Variants in SORBS2 observed in about 807,000 individuals in gnomAD.
SORBS2 encodes sorbin and SH3 domain containing 2, also known as sorbin and SH3 domain-containing protein 2.
In SORBS2, 46 loss-of-function variants were observed where a neutral mutation model predicts 97.7. The ratio of observed to expected loss-of-function variants is 0.47; its 90% CI spans 0.37 to 0.60. SORBS2 has a LOEUF of 0.60. SORBS2 is among the 20% of genes least tolerant of loss of function. SORBS2 has a pLI of 0.00. For missense variants in SORBS2, 1,316 were observed against 1,282.3 expected (o/e 1.03, Z -0.40); for synonymous variants, 476 against 473.4 (o/e 1.01, Z -0.07).
chr4:185,660,166 T>C (rs2097492634), upstream of SORBS2, among the ~76,000 whole-genome samples: 1 of 152,198 alleles, frequency 6.6e-6, no homozygotes, highest in Admixed American at 6.5e-5. Flanking sequence ...TATCAATATA[T>C]TCTAAAATCA....
chr4:185,732,128 G>A (rs2098645514), intron 2 of SORBS2, among the ~76,000 whole-genome samples: 2 of 151,890 alleles, frequency 1.3e-5, no homozygotes, highest in Admixed American at 1.3e-4. Context: ...TAATGCATCA[G>A]TAGAAGATGG....
chr4:185,677,612 C>G (rs1284405031), intron 4 of SORBS2: 2 of 1,522,144 alleles, frequency 1.3e-6, no homozygotes, highest in East Asian at 2.5e-5. Flanking sequence ...TATGAAAGCT[C>G]TCTTTTCTTT....
At position 185,732,068 on chromosome 4, in the gene SORBS2, A is replaced by G. The variant is rs75405283; in HGVS notation, c.-198+43159T>C. 5.8e-3 allele frequency among the ~76,000 whole-genome samples: 883 copies of G among 151,966 alleles called. 9 individuals carry two copies. Among genetic ancestry groups the G allele is most frequent in the African/African-American group, 0.02 (834 of 41,438 alleles). On this transcript the variant is annotated intron_variant, in intron 2 of 20. Coordinates refer to the SORBS2 transcript ENST00000284776. Reference sequence around the variant, plus strand: ...ACCTCCTTTTTTGCAAAATATGCACATGTGAAACCTGATTTACTACTGAGG... The same window carrying G: ...ACCTCCTTTTTTGCAAAATATGCACGTGTGAAACCTGATTTACTACTGAGG...
chr4:185,806,438 T>G (rs2099154528), intron 1 of SORBS2, among the ~76,000 whole-genome samples: 1 of 572 alleles, frequency 1.7e-3, no homozygotes, highest in Non-Finnish European at 0.036. Flanking sequence ...AGAATCCTAT[T>G]TTTTTTTTTT....
At chr4:185,905,918 T>C (rs1272017777) in intron 1 of SORBS2, among the ~76,000 whole-genome samples, 1 of 152,230 alleles carries the variant, frequency 6.6e-6, no homozygotes, top group African/African-American at 2.4e-5. Context: ...CAATCTCCTC[T>C]GGGCCCAGCA....
chr4:185,730,889 G>GCAGAT (rs1203240090), intron 2 of SORBS2, among the ~76,000 whole-genome samples: 12 of 152,346 alleles, frequency 7.9e-5, no homozygotes, highest in Non-Finnish European at 1.5e-4. Flanking sequence ...TGACGTAGCT[G>GCAGAT]CAGATCAGGC....
At chr4:185,799,109 C>A (rs1186137777) in intron 1 of SORBS2, among the ~76,000 whole-genome samples, 2 of 152,150 alleles carry the variant, frequency 1.3e-5, no homozygotes, top group Non-Finnish European at 2.9e-5. Flanking sequence ...GGGAAGGAGA[C>A]TTAGCCTCAT....
chr4:185,643,520 G>C (rs562527080), intron 4 of SORBS2, among the ~76,000 whole-genome samples: 2 of 152,140 alleles, frequency 1.3e-5, no homozygotes, highest in Non-Finnish European at 2.9e-5. Context: ...GATTGCCTTC[G>C]CTGTGGTGTG....
chr4:185,847,207 C>CT (rs1405322911), intron 1 of SORBS2, among the ~76,000 whole-genome samples: 1 of 152,164 alleles, frequency 6.6e-6, no homozygotes, highest in Non-Finnish European at 1.5e-5. Flanking sequence ...CTTTTTACCA[C>CT]TTTGTGTTTG....
chr4:185,597,040 A>G (rs1392033778), intron 12 of SORBS2, among the ~76,000 whole-genome samples: 1 of 152,234 alleles, frequency 6.6e-6, no homozygotes, highest in Non-Finnish European at 1.5e-5. Context: ...ACCTTTAACA[A>G]GAATCACCTC....
chr4:185,949,224 C>A (rs1159304990), intron 1 of SORBS2, among the ~76,000 whole-genome samples: 1 of 152,114 alleles, frequency 6.6e-6, no homozygotes, highest in Non-Finnish European at 1.5e-5. Context: ...CAGGAGGAAG[C>A]AGTGGGCTGG....
At chr4:185,895,534 G>A (rs918585472) in intron 1 of SORBS2, among the ~76,000 whole-genome samples, 2 of 152,232 alleles carry the variant, frequency 1.3e-5, no homozygotes, top group African/African-American at 4.8e-5. Flanking sequence ...GCGACACCTG[G>A]TGCTGCATGG....
chr4:185,808,860 C>A (rs950779652), intron 1 of SORBS2, among the ~76,000 whole-genome samples: 2 of 152,172 alleles, frequency 1.3e-5, no homozygotes, highest in Admixed American at 1.3e-4. Context: ...GATTCCATAA[C>A]AAATTTGTAA....
At chr4:185,693,385 T>C (rs894822957) in intron 2 of SORBS2, among the ~76,000 whole-genome samples, 3 of 152,130 alleles carry the variant, frequency 2.0e-5, no homozygotes, top group African/African-American at 7.2e-5. Context: ...ACAGGAGCTT[T>C]GGGAAAGCTC....
intron 1 of SORBS2, among the ~76,000 whole-genome samples, chr4:185,923,472 A>ATTTTTTTTTTTGTTTTTTTTTTTTT (rs2099261966): frequency 9.1e-6 from 1 of 110,478 alleles, no homozygotes; most frequent in Non-Finnish European, 1.8e-5. Flanking sequence ...CTTTTTTTTA[A>ATTTTTTTTTTTGTTTTTTTTTTTTT]TTTTTTTTTT....
chr4:185,909,395 G>A (rs1316142391), intron 1 of SORBS2, among the ~76,000 whole-genome samples: 1 of 152,114 alleles, frequency 6.6e-6, no homozygotes, highest in Non-Finnish European at 1.5e-5. Context: ...AGGGGTATGT[G>A]GGGAGGGGGT....
chr4:185,666,031 T>TC, intron 4 of SORBS2: 1 of 1,289,504 alleles, frequency 7.8e-7, no homozygotes, highest in Non-Finnish European at 1.0e-6. Flanking sequence ...CCCCACACCA[T>TC]CGGGGGGCGG....
At position 185,833,638 on chromosome 4, in the gene SORBS2, T is replaced by C. The variant is rs559971859; in HGVS notation, c.-337-58272A>G. Among the ~76,000 whole-genome samples the C allele has an allele frequency of 9.8e-5, 15 of 152,370 alleles. No homozygotes were observed. In the South Asian group the frequency reaches 3.1e-3, roughly 32 times the overall value. ...AATTACATAACTATGGGATTCATCA[T>C]ATTTCTCCATATGAAAAATGGGAAT... On this transcript the variant is annotated intron_variant, in intron 1 of 20. Transcript: ENST00000284776.
At chr4:185,625,065 AT>A (rs2096787962) in intron 6 of SORBS2, among the ~76,000 whole-genome samples, 1 of 152,218 alleles carries the variant, frequency 6.6e-6, no homozygotes, top group Non-Finnish European at 1.5e-5. Context: ...ATTCTCCAAA[AT>A]TGCAAAATCA....
Sources: allele counts gnomAD v4.1 joint callset (sites outside exome capture counted in the v4.1 genomes callset), GRCh38; gene constraint gnomAD v4.1.1; transcripts MANE v1.5; gene names NCBI Gene and HGNC (gene_info 2026-07-23, HGNC 2026-07-21).